The following GRIN2A variants were observed in gnomAD, a reference collection of about 807,000 sequenced individuals.
GRIN2A encodes glutamate receptor ionotropic, NMDA 2A.
Under a neutral mutation model 113.4 loss-of-function variants are expected in GRIN2A, and 22 were observed. That is an observed-to-expected ratio of 0.19 (90% CI 0.14 to 0.28). GRIN2A has a LOEUF of 0.28. GRIN2A is among the 10% of genes least tolerant of loss of function. The probability of loss-of-function intolerance (pLI) is 1.00; values close to 1 mark genes in which losing one functional copy is unlikely to be tolerated. For missense variants in GRIN2A, 1,502 were observed against 1,887.0 expected, an observed-to-expected ratio of 0.80 and a Z score of 3.78; for synonymous variants, 827 against 738.4, an observed-to-expected ratio of 1.12 and a Z score of -1.94.
In GRIN2A at chr16:9,765,953, G is replaced by A. The variant is rs140079621; in HGVS notation, c.2596-1005C>T. 7.7e-4 allele frequency among the ~76,000 whole-genome samples: 117 copies of A among 152,238 alleles called. 1 individual carries two copies. Among genetic ancestry groups the A allele is most frequent in the African/African-American group, 2.7e-3 (114 of 41,546 alleles). On this transcript the variant is annotated intron_variant, in intron 12 of 12. Transcript: ENST00000330684. ...TCTTTCTTTCTTTTAGAAAACAACT[G>A]TTTACGTTCACTTAAAAGTAGCTGT...
At chr16:9,983,463 G>A (rs1427401029) in intron 2 of GRIN2A, among the ~76,000 whole-genome samples, 1 of 144,140 alleles carries the variant, frequency 6.9e-6, no homozygotes, top group Non-Finnish European at 1.5e-5. Context: ...TTTTTGAGAT[G>A]GAGTCTCGCT....
chr16:10,124,403 G>A (rs1026297292), intron 2 of GRIN2A, among the ~76,000 whole-genome samples: 1 of 152,170 alleles, frequency 6.6e-6, no homozygotes, highest in Non-Finnish European at 1.5e-5. Context: ...TGTTATGCTT[G>A]TAATCAAAAT....
chr16:9,873,891 G>T (rs1274817778), intron 4 of GRIN2A, among the ~76,000 whole-genome samples: 5 of 152,168 alleles, frequency 3.3e-5, no homozygotes, highest in Non-Finnish European at 5.9e-5. Context: ...CCACATAGAG[G>T]CCAGCACGGT....
intron 3 of GRIN2A, among the ~76,000 whole-genome samples, chr16:9,937,002 G>GA (rs1360221119): frequency 6.6e-6 from 1 of 152,230 alleles, no homozygotes; most frequent in South Asian, 2.1e-4. Context: ...ATCAACCCTA[G>GA]AAAAAACACT....
chr16:9,764,185 A>ACACC lies in GRIN2A; in HGVS notation c.3358_3359insGGTG (p.Ile1120ArgfsTer5), dbSNP rs2141133081. 1 of 1,613,722 alleles carries ACACC rather than the reference A, an allele frequency of 6.2e-7. No individual in the cohort carries two copies. The highest frequency in any genetic ancestry group is 8.5e-7 in the Non-Finnish European group (1 of 1,179,812). On this transcript the variant is annotated frameshift_variant, in exon 13 of 13. Transcript: ENST00000330684. LOFTEE classifies it high-confidence loss of function. ...GAAACCAGGCTCCTTCTCACCATCT[A>ACACC]TAGTGTAGATCTTGTCTCTAGGGGA...
intron 2 of GRIN2A, among the ~76,000 whole-genome samples, chr16:9,956,737 T>C (rs1439997311): frequency 6.6e-6 from 1 of 152,146 alleles, no homozygotes; most frequent in Non-Finnish European, 1.5e-5. Flanking sequence ...GCATTAAGAA[T>C]GCACAATGGG....
At chr16:10,015,533 G>A (rs1317289667) in intron 2 of GRIN2A, among the ~76,000 whole-genome samples, 2 of 152,060 alleles carry the variant, frequency 1.3e-5, no homozygotes, top group Admixed American at 1.3e-4. Flanking sequence ...AAGACTCCCT[G>A]ATTCCGAATG....
intron 2 of GRIN2A, among the ~76,000 whole-genome samples, chr16:10,058,080 C>T (rs1004802089): frequency 6.6e-6 from 1 of 151,972 alleles, no homozygotes; most frequent in African/African-American, 2.4e-5. Flanking sequence ...CGTGTTGAAA[C>T]CCTGTCTCTA....
chr16:9,876,348 A>G (rs532513621), intron 4 of GRIN2A, among the ~76,000 whole-genome samples: 1 of 152,242 alleles, frequency 6.6e-6, no homozygotes, highest in East Asian at 1.9e-4. Context: ...TGCTTGATGC[A>G]CTGCTACCTT....
chr16:9,988,733 T>A (rs1203815436), intron 2 of GRIN2A, among the ~76,000 whole-genome samples: 1 of 152,134 alleles, frequency 6.6e-6, no homozygotes, highest in Non-Finnish European at 1.5e-5. Context: ...TTCCCCAGGT[T>A]GAGATGGTTA....
At chr16:10,129,365 G>A (rs2049014979) in intron 2 of GRIN2A, among the ~76,000 whole-genome samples, 2 of 39,938 alleles carry the variant, frequency 5.0e-5, no homozygotes, top group Admixed American at 8.2e-4. Flanking sequence ...AATGGGAGGA[G>A]TTTGATTAAA....
At chr16:9,817,583 A>G (rs2042208653) in intron 10 of GRIN2A, among the ~76,000 whole-genome samples, 1 of 152,262 alleles carries the variant, frequency 6.6e-6, no homozygotes, top group Non-Finnish European at 1.5e-5. Flanking sequence ...AGATCAAAGA[A>G]TTCAACCATT....
intron 2 of GRIN2A, among the ~76,000 whole-genome samples, chr16:9,952,103 G>C (rs544908878): frequency 2.6e-5 from 4 of 152,198 alleles, no homozygotes; most frequent in African/African-American, 9.6e-5. Context: ...GAAAATTAAG[G>C]CTGGAAGTGT....
At chr16:9,879,977 T>A (rs1409906335) in intron 4 of GRIN2A, among the ~76,000 whole-genome samples, 1 of 152,162 alleles carries the variant, frequency 6.6e-6, no homozygotes, top group African/African-American at 2.4e-5. Context: ...TTCAAAAGAT[T>A]TGTACTAGTC....
rs2141132201 is a variant in GRIN2A at position 9,764,099 on chromosome 16, C to T, written c.3445G>A (p.Asp1149Asn). 1 of 1,613,662 alleles carries T rather than the reference C, an allele frequency of 6.2e-7. No individual in the cohort carries two copies. Among genetic ancestry groups the T allele is most frequent in the East Asian group, 2.2e-5 (1 of 44,854 alleles). The change falls in exon 13 of 13, where the codon GAC becomes AAC. Residue 1149 changes from aspartate to asparagine, a missense_variant. Asp to Asn is a conservative substitution (Grantham distance 23). This residue lies in a region of GRIN2A where 832 missense variants were observed against 789.7 expected (regional missense o/e 1.05). Coordinates refer to ENST00000330684, the MANE Select transcript of GRIN2A (RefSeq NM_001134407.3). The part of the protein sequence containing the change: ...VTLPENVDFP[D>N]PYQDPSENFR... ...TTTTCACTGGGATCCTGGTAGGGGT[C>T]CGGGAAGTCCACGTTCTCGGGCAGG...
intron 11 of GRIN2A, among the ~76,000 whole-genome samples, chr16:9,780,927 C>T (rs2141181814): frequency 6.6e-6 from 1 of 151,302 alleles, no homozygotes; most frequent in African/African-American, 2.4e-5. Flanking sequence ...TAGTTAAATT[C>T]TTCCAATTGT....
rs778614118 is a variant in GRIN2A at position 9,938,423 on chromosome 16, C to T, written c.543G>A (p.Arg181=). ...TGGTCTTGACGAAGCTGATGAATTC[C>T]CTGTAGCCAGGGAAGATAGTGGTCA... is the stretch of plus-strand genomic sequence containing the variant. ...SLVTTIFPGY[R]EFISFVKTTV... is the part of the protein sequence containing the mutation. The change falls in exon 3 of 13, where the codon AGG becomes AGA. Residue 181 remains arginine (R), a synonymous_variant. Transcript: ENST00000330684. 2.5e-6 allele frequency: 4 copies of T among 1,613,872 alleles called. No individual in the cohort carries two copies. Among genetic ancestry groups the T allele is most frequent in the African/African-American group, 2.7e-5 (2 of 74,904 alleles).
chr16:9,770,291 A>G (rs915993328), intron 11 of GRIN2A, among the ~76,000 whole-genome samples: 2 of 152,228 alleles, frequency 1.3e-5, no homozygotes, highest in Admixed American at 6.5e-5. Flanking sequence ...CTAAGATGTA[A>G]TGGGGACATG....
intron 2 of GRIN2A, chr16:9,970,709 A>C: frequency 1.1e-6 from 1 of 887,134 alleles, no homozygotes; most frequent in Non-Finnish European, 1.4e-6. Context: ...TAGGTACTGA[A>C]GATAAAATAA....
Sources: gnomAD v4.1 joint callset for allele counts (sites outside exome capture counted in the v4.1 genomes callset) on GRCh38, gnomAD v4.1.1 for gene constraint, gnomAD v4.1.1 regional missense constraint, MANE v1.5 for transcripts, NCBI Gene and HGNC (gene_info 2026-07-23, HGNC 2026-07-21) for gene names.